Variants in NKAIN3 observed in about 807,000 individuals in gnomAD.
NKAIN3 encodes the protein sodium/potassium transporting ATPase interacting 3.
A neutral mutation model predicts 30.2 loss-of-function variants in NKAIN3; 25 were observed. The observed-to-expected ratio is 0.83, with a 90% CI of 0.60 to 1.16. The LOEUF (loss-of-function observed/expected upper bound fraction) is 1.16. Ranked by LOEUF, NKAIN3 falls within the 50% of genes most tolerant of loss-of-function variation. NKAIN3 has a pLI of 0.00. For missense variants in NKAIN3, 225 were observed against 254.1 expected, an observed-to-expected ratio of 0.89 and a Z score of 0.78; for synonymous variants, 91 against 89.6, an observed-to-expected ratio of 1.02 and a Z score of -0.09.
intron 4 of NKAIN3, among the ~76,000 whole-genome samples, chr8:62,768,447 C>G (rs1816913097): frequency 6.6e-6 from 1 of 152,160 alleles, no homozygotes; most frequent in East Asian, 1.9e-4. Flanking sequence ...TCTTGTGAAG[C>G]TACAGACAAA....
intron 4 of NKAIN3, among the ~76,000 whole-genome samples, chr8:62,778,941 G>T (rs1376937662): frequency 6.6e-6 from 1 of 152,008 alleles, no homozygotes; most frequent in Non-Finnish European, 1.5e-5. Context: ...ATCTTGCCAG[G>T]ACTTGATCCT....
At chr8:62,307,815 A>G (rs1033220224) in intron 1 of NKAIN3, among the ~76,000 whole-genome samples, 1 of 150,806 alleles carries the variant, frequency 6.6e-6, no homozygotes, top group Non-Finnish European at 1.5e-5. Context: ...TTCTAGCTGA[A>G]GTATTTTTGG....
At chr8:62,740,085 C>T (rs1439985210) in intron 3 of NKAIN3, among the ~76,000 whole-genome samples, 3 of 152,100 alleles carry the variant, frequency 2.0e-5, no homozygotes, top group Admixed American at 2.0e-4. Context: ...ACACTTAAAC[C>T]TATCAATCAC....
At chr8:62,320,788 C>T (rs111675033) in intron 1 of NKAIN3, among the ~76,000 whole-genome samples, 2,137 of 152,164 alleles carry the variant, frequency 0.014, 46 homozygotes, top group African/African-American at 0.046. Flanking sequence ...TTTCAACTTT[C>T]GTGAATCTGA....
intron 4 of NKAIN3, among the ~76,000 whole-genome samples, chr8:62,837,353 T>C (rs908839287): frequency 2.6e-5 from 4 of 152,146 alleles, no homozygotes; most frequent in African/African-American, 9.6e-5. Flanking sequence ...TGAACCATAG[T>C]TTGGAAATTC....
intron 1 of NKAIN3, among the ~76,000 whole-genome samples, chr8:62,345,601 A>G (rs1386822463): frequency 6.7e-6 from 1 of 148,286 alleles, no homozygotes; most frequent in Non-Finnish European, 1.5e-5. Flanking sequence ...ACATATATAC[A>G]CATATATGTA....
chr8:62,946,863 T>C (rs972209504), intron 5 of NKAIN3, among the ~76,000 whole-genome samples: 2 of 152,184 alleles, frequency 1.3e-5, no homozygotes, highest in African/African-American at 4.8e-5. Flanking sequence ...CACAATGTTA[T>C]AGGGGATCTG....
At chr8:62,516,915 G>A (rs77613919) in intron 1 of NKAIN3, among the ~76,000 whole-genome samples, 12,430 of 152,012 alleles carry the variant, frequency 0.082, 684 homozygotes, top group East Asian at 0.19. Flanking sequence ...CTTCCAGAAT[G>A]TTCCCCCTTC....
chr8:62,315,541 A>G (rs192657049), intron 1 of NKAIN3, among the ~76,000 whole-genome samples: 29 of 152,256 alleles, frequency 1.9e-4, no homozygotes, highest in African/African-American at 6.3e-4. Context: ...CCCAGCTTCA[A>G]TACCTAAAAT....
chr8:62,761,728 T>C (rs1816670173), intron 4 of NKAIN3, among the ~76,000 whole-genome samples: 1 of 152,218 alleles, frequency 6.6e-6, no homozygotes, highest in African/African-American at 2.4e-5. Flanking sequence ...ATTAGAATAT[T>C]GTCAGAAGCA....
At chr8:62,542,266 C>T (rs1290775410) in intron 1 of NKAIN3, among the ~76,000 whole-genome samples, 1 of 152,124 alleles carries the variant, frequency 6.6e-6, no homozygotes, top group Non-Finnish European at 1.5e-5. Context: ...ACTCTAAATT[C>T]TTTCTGGATC....
intron 1 of NKAIN3, among the ~76,000 whole-genome samples, chr8:62,535,142 A>T (rs1808615131): frequency 6.6e-6 from 1 of 152,188 alleles, no homozygotes; most frequent in Non-Finnish European, 1.5e-5. Flanking sequence ...GCAGATGAGC[A>T]CTGAGTTGAA....
chr8:62,541,754 A>G (rs986945224), intron 1 of NKAIN3, among the ~76,000 whole-genome samples: 1 of 151,878 alleles, frequency 6.6e-6, no homozygotes, highest in Non-Finnish European at 1.5e-5. Context: ...GATGTTTCTC[A>G]TAGCATTATA....
chr8:62,314,284 G>C (rs1490926657), intron 1 of NKAIN3, among the ~76,000 whole-genome samples: 4 of 152,084 alleles, frequency 2.6e-5, no homozygotes, highest in African/African-American at 9.7e-5. Flanking sequence ...AATGCTCCTG[G>C]TGTATTAAAC....
At chr8:62,893,732 A>G (rs1437620662) in intron 4 of NKAIN3, among the ~76,000 whole-genome samples, 5 of 152,236 alleles carry the variant, frequency 3.3e-5, no homozygotes, top group Non-Finnish European at 7.3e-5. Context: ...CTGGGAAGGT[A>G]AAAATGGAGG....
At position 62,971,015 on chromosome 8, in the gene NKAIN3, G is replaced by C. The variant is rs1161006286; in HGVS notation, c.*5608G>C. 6.6e-6 allele frequency among the ~76,000 whole-genome samples: 1 copy of C among 152,002 alleles called. No homozygotes were observed. The highest frequency in any genetic ancestry group is 1.5e-5 in the Non-Finnish European group (1 of 68,018). ...TTTCTCTTTTTATTTCGAAATTCTG[G>C]AGACAGTCAGCAAAGAGCCGGATGT... On this transcript the variant is annotated 3_prime_UTR_variant, in exon 7 of 7. Coordinates refer to ENST00000623646, the MANE Select transcript of NKAIN3 (RefSeq NM_001304533.3).
At chr8:62,781,598 A>T (rs1327376820) in intron 4 of NKAIN3, among the ~76,000 whole-genome samples, 1 of 152,042 alleles carries the variant, frequency 6.6e-6, no homozygotes, top group Non-Finnish European at 1.5e-5. Context: ...AATGGAACAG[A>T]ATAGAGAACC....
intron 1 of NKAIN3, among the ~76,000 whole-genome samples, chr8:62,293,083 G>T (rs879041560): frequency 6.6e-6 from 1 of 152,024 alleles, no homozygotes; most frequent in African/African-American, 2.4e-5. Flanking sequence ...AGCTCCATCA[G>T]GTCATTTAAG....
At chr8:62,806,058 C>A (rs1217823597) in intron 4 of NKAIN3, among the ~76,000 whole-genome samples, 1 of 152,318 alleles carries the variant, frequency 6.6e-6, no homozygotes, top group Non-Finnish European at 1.5e-5. Flanking sequence ...AAAAAATGCT[C>A]ACCATCACTG....
Sources: allele counts gnomAD v4.1 joint callset (sites outside exome capture counted in the v4.1 genomes callset), GRCh38; gene constraint gnomAD v4.1.1; transcripts MANE v1.5; gene names NCBI Gene and HGNC (gene_info 2026-07-23, HGNC 2026-07-21).